Variants in SYN3 observed in about 807,000 individuals in gnomAD.
SYN3 encodes synapsin III.
SYN3 carries 35 observed loss-of-function variants against 65.8 expected under a neutral mutation model. That is an observed-to-expected ratio of 0.53 (90% CI 0.41 to 0.70). The LOEUF (loss-of-function observed/expected upper bound fraction) is 0.70, where lower values mean the gene tolerates loss of function less well. SYN3 is among the 30% of genes least tolerant of loss of function. SYN3 has a pLI of 0.00. For missense variants in SYN3, 680 were observed against 749.0 expected, an observed-to-expected ratio of 0.91 and a Z score of 1.08; for synonymous variants, 270 against 292.9, an observed-to-expected ratio of 0.92 and a Z score of 0.80.
chr22:32,639,085 C>G (rs2059859313), intron 6 of SYN3, among the ~76,000 whole-genome samples: 1 of 152,152 alleles, frequency 6.6e-6, no homozygotes, highest in African/African-American at 2.4e-5. Context: ...TCCCAAGTAG[C>G]TGGGACTACA....
At chr22:33,028,670 G>GGTGGTGGTGA (rs2053685200) in intron 1 of SYN3, among the ~76,000 whole-genome samples, 1 of 118,028 alleles carries the variant, frequency 8.5e-6, no homozygotes, top group East Asian at 2.8e-4. Flanking sequence ...GGTGGTGGTG[G>GGTGGTGGTGA]TGGTGGTGGT....
intron 6 of SYN3, among the ~76,000 whole-genome samples, chr22:32,848,768 C>T (rs1486270802): frequency 6.6e-6 from 1 of 152,134 alleles, no homozygotes; most frequent in Non-Finnish European, 1.5e-5. Flanking sequence ...TGCATACAGT[C>T]GCAATAGCCA....
intron 12 of SYN3, among the ~76,000 whole-genome samples, chr22:32,521,067 A>G (rs1400463553): frequency 6.6e-6 from 1 of 152,254 alleles, no homozygotes; most frequent in East Asian, 1.9e-4. Context: ...ATAGGCGAGT[A>G]GATGGGAGGT....
chr22:32,673,883 TC>T (rs1281214868), intron 6 of SYN3, among the ~76,000 whole-genome samples: 1 of 152,168 alleles, frequency 6.6e-6, no homozygotes, highest in African/African-American at 2.4e-5. Context: ...ATAGGCTTTC[TC>T]CTGGGGGCAA....
chr22:32,714,361 C>T (rs543300081), intron 6 of SYN3, among the ~76,000 whole-genome samples: 1 of 152,280 alleles, frequency 6.6e-6, no homozygotes, highest in South Asian at 2.1e-4. Flanking sequence ...GTTTGTCTGG[C>T]TGGTCTCTAA....
chr22:32,702,709 T>G (rs1325493284), intron 6 of SYN3, among the ~76,000 whole-genome samples: 1 of 150,966 alleles, frequency 6.6e-6, no homozygotes, highest in Non-Finnish European at 1.5e-5. Flanking sequence ...TTAGCAATCC[T>G]GAAAGAACTG....
At chr22:32,944,781 A>G (rs1267789294) in intron 3 of SYN3, among the ~76,000 whole-genome samples, 1 of 152,210 alleles carries the variant, frequency 6.6e-6, no homozygotes, top group Non-Finnish European at 1.5e-5. Context: ...ACATGATTGT[A>G]TATTTAGAAA....
intron 6 of SYN3, among the ~76,000 whole-genome samples, chr22:32,604,912 G>A (rs769864591): frequency 1.7e-4 from 26 of 151,610 alleles, no homozygotes; most frequent in Non-Finnish European, 3.5e-4. Context: ...AGGCTGAGGC[G>A]GGAGAATGGT....
At chr22:32,727,899 T>C (rs1389667346) in intron 6 of SYN3, among the ~76,000 whole-genome samples, 1 of 152,180 alleles carries the variant, frequency 6.6e-6, no homozygotes, top group African/African-American at 2.4e-5. Context: ...GATGGATAGA[T>C]TGCAAGAACT....
At chr22:32,865,929 AG>A (rs755103600) in intron 5 of SYN3, among the ~76,000 whole-genome samples, 2 of 152,270 alleles carry the variant, frequency 1.3e-5, no homozygotes, top group Non-Finnish European at 2.9e-5. Context: ...AGAAGGAGAA[AG>A]GGCCCTCCGG....
intron 6 of SYN3, among the ~76,000 whole-genome samples, chr22:32,675,320 C>G (rs2060424829): frequency 6.6e-6 from 1 of 152,200 alleles, no homozygotes; most frequent in South Asian, 2.1e-4. Flanking sequence ...CTAACACAAC[C>G]CTGTCCCTGC....
chr22:32,648,256 G>A (rs2060012479), intron 6 of SYN3, among the ~76,000 whole-genome samples: 1 of 152,174 alleles, frequency 6.6e-6, no homozygotes, highest in Non-Finnish European at 1.5e-5. Context: ...TTCCTGGAGA[G>A]CTTGGAGCCC....
At chr22:32,548,671 C>T in intron 7 of SYN3, among the ~76,000 whole-genome samples, 1 of 152,096 alleles carries the variant, frequency 6.6e-6, no homozygotes. Context: ...CGTGCCTGGC[C>T]TAAAATATTT....
chr22:32,565,181 CAAACAGTGCTCTCGGACTGCACCT>C (rs1240872959), intron 7 of SYN3, among the ~76,000 whole-genome samples: 1 of 142,360 alleles, frequency 7.0e-6, no homozygotes, highest in Admixed American at 6.9e-5. Flanking sequence ...GGACTGCACC[CAAACAGTGCTCTCGGACTGCACCT>C]AAACAGTGCT....
chr22:32,542,885 C>A (rs1181297574), intron 7 of SYN3, among the ~76,000 whole-genome samples: 1 of 151,982 alleles, frequency 6.6e-6, no homozygotes, highest in Non-Finnish European at 1.5e-5. Flanking sequence ...GACAGCTGGG[C>A]CAGCTGCTCC....
chr22:32,769,556 GCC>G (rs2045715902), intron 6 of SYN3, among the ~76,000 whole-genome samples: 2 of 138,686 alleles, frequency 1.4e-5, no homozygotes, highest in African/African-American at 5.5e-5. Flanking sequence ...TGCTCTTGTT[GCC>G]CAGGCTGGAG....
chr22:32,741,260 G>A (rs1225230447), intron 6 of SYN3, among the ~76,000 whole-genome samples: 2 of 151,692 alleles, frequency 1.3e-5, no homozygotes, highest in East Asian at 1.9e-4. Flanking sequence ...TTTTACAGAC[G>A]AGGGAACTGA....
At chr22:32,644,724 T>A (rs1794863800) in intron 6 of SYN3, among the ~76,000 whole-genome samples, 1 of 152,112 alleles carries the variant, frequency 6.6e-6, no homozygotes, top group Non-Finnish European at 1.5e-5. Flanking sequence ...TGGCAGGAAG[T>A]GAAGAAATCC....
chr22:32,574,676 A>T (rs2858347), intron 7 of SYN3, among the ~76,000 whole-genome samples: 1 of 151,824 alleles, frequency 6.6e-6, no homozygotes, highest in South Asian at 2.1e-4. Flanking sequence ...TGCCTCAGGG[A>T]CTTTGCCCTT....
Sources: gnomAD v4.1 joint callset for allele counts (sites outside exome capture counted in the v4.1 genomes callset) on GRCh38, gnomAD v4.1.1 for gene constraint, MANE v1.5 for transcripts, NCBI Gene and HGNC (gene_info 2026-07-23, HGNC 2026-07-21) for gene names.